ARHGAP20: variants seen among roughly 807,000 people sequenced by gnomAD.
ARHGAP20 encodes rho GTPase-activating protein 20.
A neutral mutation model predicts 73.7 loss-of-function variants in ARHGAP20; 34 were observed. The observed-to-expected ratio is 0.46, with a 90% confidence interval of 0.35 to 0.61. ARHGAP20 has a LOEUF of 0.61. Among genes scored for constraint, ARHGAP20 ranks in the 20% least tolerant of loss-of-function variants. ARHGAP20 has a pLI of 0.00. For synonymous variants in ARHGAP20, 523 were observed against 518.2 expected, an observed-to-expected ratio of 1.01 and a Z score of -0.13; for missense variants, 1,314 against 1,420.9, an observed-to-expected ratio of 0.92 and a Z score of 1.21.
At chr11:110,708,844 A>G (rs933342957) in intron 1 of ARHGAP20, among the ~76,000 whole-genome samples, 1 of 152,162 alleles carries the variant, frequency 6.6e-6, no homozygotes. Flanking sequence ...AAACTATTAA[A>G]TTTATATACT....
intron 1 of ARHGAP20, among the ~76,000 whole-genome samples, chr11:110,691,724 G>A (rs1276894687): frequency 1.3e-5 from 2 of 152,068 alleles, no homozygotes; most frequent in Non-Finnish European, 2.9e-5. Context: ...CATGCTCCTA[G>A]GGATCTCTCC....
chr11:110,689,682 T>C (rs11822949), intron 2 of ARHGAP20, among the ~76,000 whole-genome samples: 7,961 of 152,084 alleles, frequency 0.052, 252 homozygotes, highest in Middle Eastern at 0.099. Flanking sequence ...TGACCATCAG[T>C]TGATGGTCGG....
chr11:110,619,703 T>A (rs1407106129), intron 4 of ARHGAP20, among the ~76,000 whole-genome samples: 3 of 151,524 alleles, frequency 2.0e-5, no homozygotes, highest in African/African-American at 7.3e-5. Flanking sequence ...TGATAGAGTA[T>A]ATACAGTGAT....
intron 4 of ARHGAP20, among the ~76,000 whole-genome samples, chr11:110,623,613 A>T (rs559606940): frequency 6.6e-6 from 1 of 152,240 alleles, no homozygotes; most frequent in African/African-American, 2.4e-5. Flanking sequence ...TTTTATTTGT[A>T]TAATAAAACA....
chr11:110,649,116 TTAAAA>T (rs931470534), intron 2 of ARHGAP20, among the ~76,000 whole-genome samples: 34 of 152,068 alleles, frequency 2.2e-4, no homozygotes, highest in African/African-American at 8.2e-4. Context: ...AAGACAAGTC[TTAAAA>T]TAAAAGCTTT....
chr11:110,589,826 G>C, intron 11 of ARHGAP20: 1 of 659,688 alleles, frequency 1.5e-6, no homozygotes, highest in Non-Finnish European at 1.9e-6. Context: ...CACTTTTAAA[G>C]TAAAAGGCAT....
intron 10 of ARHGAP20, among the ~76,000 whole-genome samples, chr11:110,591,210 G>A (rs1341492456): frequency 6.6e-6 from 1 of 152,148 alleles, no homozygotes; most frequent in Middle Eastern, 3.2e-3. Context: ...AAGAGAATGG[G>A]TTTTGAAGAC....
intron 2 of ARHGAP20, among the ~76,000 whole-genome samples, chr11:110,632,453 G>A (rs527296408): frequency 1.2e-4 from 18 of 152,162 alleles, no homozygotes; most frequent in African/African-American, 3.4e-4. Context: ...CACCCAGGCC[G>A]AAGTGCAGTG....
At chr11:110,594,677 C>G (rs1393857382) in intron 9 of ARHGAP20, among the ~76,000 whole-genome samples, 4 of 152,028 alleles carry the variant, frequency 2.6e-5, no homozygotes, top group Non-Finnish European at 5.9e-5. Context: ...AGTTCAGGAC[C>G]AGATGGATTC....
intron 2 of ARHGAP20, among the ~76,000 whole-genome samples, chr11:110,661,508 A>T (rs1949611236): frequency 6.6e-6 from 1 of 152,124 alleles, no homozygotes; most frequent in Admixed American, 6.5e-5. Flanking sequence ...TCATTAACAC[A>T]ACCAAATTAT....
intron 12 of ARHGAP20, among the ~76,000 whole-genome samples, chr11:110,585,039 A>C (rs1947613305): frequency 6.8e-6 from 1 of 146,636 alleles, no homozygotes; most frequent in African/African-American, 2.6e-5. Context: ...ATATATGTGA[A>C]TATATATGAA....
intron 2 of ARHGAP20, among the ~76,000 whole-genome samples, chr11:110,662,752 C>T (rs2135047560): frequency 6.6e-6 from 1 of 152,020 alleles, no homozygotes; most frequent in South Asian, 2.1e-4. Context: ...TCAGTCATGA[C>T]ATACTTTTTC....
At chr11:110,594,207 A>G (rs1458196661) in intron 9 of ARHGAP20, among the ~76,000 whole-genome samples, 1 of 152,206 alleles carries the variant, frequency 6.6e-6, no homozygotes, top group African/African-American at 2.4e-5. Context: ...ATCATCATCT[A>G]CACATCACTT....
At chr11:110,704,794 G>C (rs1950524079) in intron 1 of ARHGAP20, among the ~76,000 whole-genome samples, 2 of 152,134 alleles carry the variant, frequency 1.3e-5, no homozygotes, top group Admixed American at 6.5e-5. Context: ...TAGAATCCCT[G>C]TGATCCTAAA....
intron 2 of ARHGAP20, among the ~76,000 whole-genome samples, chr11:110,689,759 A>G (rs1173174250): frequency 6.8e-6 from 1 of 147,676 alleles, no homozygotes; most frequent in East Asian, 1.9e-4. Context: ...GCGGTCTCAT[A>G]ATAGACAGAA....
intron 6 of ARHGAP20, 151 bp downstream of exon 6, chr11:110,614,410 G>T: frequency 1.6e-6 from 1 of 629,530 alleles, no homozygotes; most frequent in Non-Finnish European, 2.8e-6. Context: ...CCAGGAAAAT[G>T]CATTTTCCCC....
chr11:110,609,137 T>A, intron 7 of ARHGAP20, 87 bp from the exon 8 acceptor site: 1 of 1,139,952 alleles, frequency 8.8e-7, no homozygotes, highest in Non-Finnish European at 1.3e-6. Context: ...TGGTTATGTG[T>A]CCTCCCTCCT....
At chr11:110,645,684 C>T (rs1005574343) in intron 2 of ARHGAP20, among the ~76,000 whole-genome samples, 10 of 152,138 alleles carry the variant, frequency 6.6e-5, no homozygotes, top group African/African-American at 2.4e-4. Flanking sequence ...ATGTTCATTG[C>T]AGCACTACTC....
chr11:110,684,651 T>G (rs1161317745), intron 2 of ARHGAP20, among the ~76,000 whole-genome samples: 1 of 152,014 alleles, frequency 6.6e-6, no homozygotes, highest in Non-Finnish European at 1.5e-5. Context: ...AATAGCAAAA[T>G]CATGGAATCA....
Sources: gnomAD v4.1 joint callset for allele counts (sites outside exome capture counted in the v4.1 genomes callset) on GRCh38, gnomAD v4.1.1 for gene constraint, MANE v1.5 for transcripts, NCBI Gene and HGNC (gene_info 2026-07-23, HGNC 2026-07-21) for gene names.